STRBP: variants seen among roughly 807,000 people sequenced by gnomAD.
STRBP encodes the protein spermatid perinuclear RNA-binding protein.
Under a neutral mutation model 80.1 loss-of-function variants are expected in STRBP, and 13 were observed. That is an observed-to-expected ratio of 0.16 (90% confidence interval 0.11 to 0.26). The LOEUF is 0.26. Among genes scored for constraint, STRBP ranks in the 10% least tolerant of loss-of-function variants. STRBP has a pLI of 1.00. For missense variants in STRBP, 485 were observed against 815.2 expected, an observed-to-expected ratio of 0.59 and a Z score of 4.93; for synonymous variants, 284 against 291.2, an observed-to-expected ratio of 0.98 and a Z score of 0.25.
rs566837772 is a variant in STRBP at position 123,171,149 on chromosome 9, A to G, written c.391-1103T>C. 2.6e-5 allele frequency among the ~76,000 whole-genome samples: 4 copies of G among 152,318 alleles called. No individual in the cohort carries two copies. The East Asian group carries it at 7.7e-4, about 29-fold the overall frequency. On this transcript the variant is annotated intron_variant, in intron 5 of 18. Transcript: ENST00000348403. ...AGAGCATTAAAGATGTCTATCAAAG[A>G]ATAAATTGAACTTCATTTTTCAATT...
At chr9:123,174,147 T>C (rs2038122898) in intron 4 of STRBP, among the ~76,000 whole-genome samples, 1 of 152,234 alleles carries the variant, frequency 6.6e-6, no homozygotes, top group South Asian at 2.1e-4. Context: ...CTTTTAAATT[T>C]CCTTCTGGCC....
intron 2 of STRBP, among the ~76,000 whole-genome samples, chr9:123,204,971 T>C (rs1456726347): frequency 7.9e-6 from 1 of 126,320 alleles, no homozygotes; most frequent in Admixed American, 7.9e-5. Context: ...AAAAAAAGAA[T>C]TCAAATATTC....
At chr9:123,223,294 C>A (rs2132559670) in intron 2 of STRBP, among the ~76,000 whole-genome samples, 1 of 152,202 alleles carries the variant, frequency 6.6e-6, no homozygotes, top group African/African-American at 2.4e-5. Context: ...GTAACCATAA[C>A]ATTATAAATA....
intron 13 of STRBP, among the ~76,000 whole-genome samples, chr9:123,146,075 T>A (rs2036800504): frequency 6.6e-6 from 1 of 151,954 alleles, no homozygotes; most frequent in South Asian, 2.1e-4. Flanking sequence ...CAAAATGAAA[T>A]GACCATGAAA....
At chr9:123,128,872 C>T (rs1035018721) in intron 17 of STRBP, among the ~76,000 whole-genome samples, 3 of 152,212 alleles carry the variant, frequency 2.0e-5, no homozygotes, top group African/African-American at 2.4e-5. Context: ...CAGGGTCTCT[C>T]TGTAAATGCT....
chr9:123,252,078 A>G (rs1382569917), intron 1 of STRBP, among the ~76,000 whole-genome samples: 1 of 151,976 alleles, frequency 6.6e-6, no homozygotes, highest in Non-Finnish European at 1.5e-5. Context: ...GGTATTTGCC[A>G]GGCATTTCTG....
chr9:123,194,233 AT>A (rs1182919632), intron 2 of STRBP, among the ~76,000 whole-genome samples: 32 of 152,284 alleles, frequency 2.1e-4, no homozygotes, highest in African/African-American at 7.2e-4. Context: ...TTCCTACTTC[AT>A]GCAAATTGCC....
intron 1 of STRBP, among the ~76,000 whole-genome samples, chr9:123,263,524 C>CAAAAA (rs775297049): frequency 7.8e-5 from 5 of 64,224 alleles, no homozygotes; most frequent in African/African-American, 2.1e-4. Flanking sequence ...GACCCTGTCT[C>CAAAAA]AAAAAAAAAA....
chr9:123,124,073 GA>G lies in STRBP; in HGVS notation c.*1523del. On this transcript the variant is annotated 3_prime_UTR_variant, in exon 19 of 19. Coordinates refer to ENST00000348403, the MANE Select transcript of STRBP (RefSeq NM_018387.5). ...ATTGTGTAATATATATCTGAGAAGT[GA>G]CACTAACATTTGTTGTACATTGCCC... The G allele has an allele frequency of 1.0e-6, 1 of 985,400 alleles. No individual in the cohort carries two copies. The highest frequency in any genetic ancestry group is 1.2e-6 in the Non-Finnish European group (1 of 829,930). 61.0% of individuals were successfully genotyped at this position (985,400 alleles called of 1,614,324 possible). A position where few individuals can be genotyped will look rare whatever the true frequency, so the allele number is the denominator to read the frequency against.
At chr9:123,251,245 A>G (rs932099531) in intron 1 of STRBP, among the ~76,000 whole-genome samples, 16 of 151,002 alleles carry the variant, frequency 1.1e-4, no homozygotes, top group African/African-American at 3.6e-4. Flanking sequence ...GAAGAAGAAG[A>G]AGGAGAAGGA....
downstream of STRBP, among the ~76,000 whole-genome samples, chr9:123,119,652 C>T (rs1284982241): frequency 6.6e-6 from 1 of 152,158 alleles, no homozygotes; most frequent in African/African-American, 2.4e-5. Context: ...ATGCACCTGC[C>T]TCTCCAACAC....
intron 1 of STRBP, among the ~76,000 whole-genome samples, chr9:123,263,790 G>C (rs1226117035): frequency 6.6e-6 from 1 of 152,212 alleles, no homozygotes; most frequent in Non-Finnish European, 1.5e-5. Context: ...ACTAGCAGAA[G>C]GGATAGCTCT....
intron 2 of STRBP, among the ~76,000 whole-genome samples, chr9:123,235,929 ACTTT>A (rs2040549219): frequency 6.6e-6 from 1 of 152,184 alleles, no homozygotes; most frequent in Non-Finnish European, 1.5e-5. Flanking sequence ...GCTCCATCTT[ACTTT>A]CTGATTAATA....
At chr9:123,250,645 CT>C (rs958600139) in intron 1 of STRBP, among the ~76,000 whole-genome samples, 1 of 152,196 alleles carries the variant, frequency 6.6e-6, no homozygotes, top group African/African-American at 2.4e-5. Context: ...CATGTCAACA[CT>C]GTACAACTTG....
chr9:123,120,588 A>G (rs904213586), downstream of STRBP, among the ~76,000 whole-genome samples: 3 of 151,732 alleles, frequency 2.0e-5, no homozygotes, highest in Non-Finnish European at 4.4e-5. Context: ...TATTAATGAA[A>G]TCTAGGAAAC....
intron 4 of STRBP, among the ~76,000 whole-genome samples, chr9:123,174,779 AG>A (rs1407075850): frequency 1.3e-5 from 2 of 152,246 alleles, no homozygotes; most frequent in African/African-American, 4.8e-5. Context: ...AAACACTCAA[AG>A]AAATCAAGTC....
intron 11 of STRBP, among the ~76,000 whole-genome samples, chr9:123,154,627 A>C (rs1321467756): frequency 1.3e-5 from 2 of 152,172 alleles, no homozygotes; most frequent in African/African-American, 4.8e-5. Flanking sequence ...ATCTCATTAT[A>C]AAATAAATAT....
At position 123,126,525 on chromosome 9, in the gene STRBP, T is replaced by C. The variant is rs1457019318; in HGVS notation, c.1943-852A>G. 6.6e-6 allele frequency among the ~76,000 whole-genome samples: 1 copy of C among 151,832 alleles called. No homozygotes were observed. The highest frequency in any genetic ancestry group is 1.5e-5 in the Non-Finnish European group (1 of 67,970). On this transcript the variant is annotated intron_variant, in intron 18 of 18. Coordinates refer to ENST00000348403, the MANE Select transcript of STRBP (RefSeq NM_018387.5). This position sits in a 1 kb window ranked among gnomAD's most constrained non-coding sequence, Gnocchi z 4.4. ...CGTGGAAGAGAGGAGCTTTCTGATG[T>C]GGGGGCTCAGAGGGCACAGGGTGAA...
chr9:123,202,380 T>A (rs1410444359), intron 2 of STRBP, among the ~76,000 whole-genome samples: 1 of 152,260 alleles, frequency 6.6e-6, no homozygotes, highest in Non-Finnish European at 1.5e-5. Flanking sequence ...TAACTCCTTT[T>A]AGCATTTCTT....
Sources: allele counts gnomAD v4.1 joint callset (sites outside exome capture counted in the v4.1 genomes callset), GRCh38; gene constraint gnomAD v4.1.1; non-coding constraint Gnocchi (gnomAD v3.1); transcripts MANE v1.5; gene names NCBI Gene and HGNC (gene_info 2026-07-23, HGNC 2026-07-21).